Variants in PLCB1 observed in about 807,000 individuals in gnomAD.
PLCB1 encodes 1-phosphatidylinositol 4,5-bisphosphate phosphodiesterase beta-1.
PLCB1 carries 46 observed loss-of-function variants against 161.8 expected under a neutral mutation model. That is an observed-to-expected ratio of 0.28 (90% CI 0.22 to 0.36). The LOEUF is 0.36. Among genes scored for constraint, PLCB1 ranks in the 10% least tolerant of loss-of-function variants. PLCB1 has a pLI of 1.00. For missense variants in PLCB1, 1,016 were observed against 1,472.5 expected, an observed-to-expected ratio of 0.69 and a Z score of 5.07; for synonymous variants, 517 against 503.7, an observed-to-expected ratio of 1.03 and a Z score of -0.35.
At chr20:8,220,804 CA>C (rs980525649) in intron 2 of PLCB1, among the ~76,000 whole-genome samples, 2 of 152,160 alleles carry the variant, frequency 1.3e-5, no homozygotes, top group Admixed American at 6.5e-5. Flanking sequence ...GAAACTAATA[CA>C]AGTGTTCATT....
intron 3 of PLCB1, among the ~76,000 whole-genome samples, chr20:8,468,118 A>C (rs1469600855): frequency 6.6e-6 from 1 of 152,172 alleles, no homozygotes; most frequent in African/African-American, 2.4e-5. Flanking sequence ...AGCAAAACTA[A>C]TAAATGGTCC....
At chr20:8,881,503 ATATTT>A in intron 31 of PLCB1, 114 bp from the exon 32 acceptor site, 1 of 733,052 alleles carries the variant, frequency 1.4e-6, no homozygotes, top group East Asian at 2.5e-5. Context: ...CCAGTGAATG[ATATTT>A]TAAGTTAATG....
At chr20:8,563,666 A>G (rs1457206142) in intron 3 of PLCB1, among the ~76,000 whole-genome samples, 1 of 152,168 alleles carries the variant, frequency 6.6e-6, no homozygotes, top group Admixed American at 6.5e-5. Flanking sequence ...TACAAAATCA[A>G]TGTGCAAAAA....
At chr20:8,191,266 A>G (rs2051967486) in intron 2 of PLCB1, among the ~76,000 whole-genome samples, 1 of 152,038 alleles carries the variant, frequency 6.6e-6, no homozygotes, top group Non-Finnish European at 1.5e-5. Context: ...CCTCTGAAGC[A>G]TTTATCCTTT....
chr20:8,759,989 T>C (rs1981937326), intron 24 of PLCB1, among the ~76,000 whole-genome samples: 1 of 126,296 alleles, frequency 7.9e-6, no homozygotes, highest in Non-Finnish European at 1.6e-5. Flanking sequence ...CACTGCAAAC[T>C]CCACCTCCTG....
intron 9 of PLCB1, among the ~76,000 whole-genome samples, chr20:8,663,703 G>A (rs75318029): frequency 3.3e-5 from 5 of 152,042 alleles, no homozygotes; most frequent in African/African-American, 1.2e-4. Context: ...TATTCTCCTG[G>A]GAGTGTGGTT....
At chr20:8,444,822 T>G (rs1005193037) in intron 3 of PLCB1, among the ~76,000 whole-genome samples, 4 of 152,226 alleles carry the variant, frequency 2.6e-5, no homozygotes, top group African/African-American at 9.6e-5. Context: ...TTTTTTCATG[T>G]GTCTGTTGGC....
chr20:8,252,211 G>A (rs998834566), intron 2 of PLCB1, among the ~76,000 whole-genome samples: 13 of 152,008 alleles, frequency 8.6e-5, no homozygotes, highest in African/African-American at 3.1e-4. Context: ...GAAGTCCTTG[G>A]TGAAGCTTGA....
intron 3 of PLCB1, among the ~76,000 whole-genome samples, chr20:8,464,522 G>C (rs893958628): frequency 6.6e-6 from 1 of 152,074 alleles, no homozygotes; most frequent in Non-Finnish European, 1.5e-5. Flanking sequence ...TCCTTCAGCT[G>C]TGTCTAATCT....
At chr20:8,697,891 C>A in intron 11 of PLCB1, 108 bp downstream of exon 11, 3 of 948,158 alleles carry the variant, frequency 3.2e-6, no homozygotes, top group Non-Finnish European at 3.0e-6. Flanking sequence ...AGTCCAAAGG[C>A]TGTTAATCAT....
intron 2 of PLCB1, among the ~76,000 whole-genome samples, chr20:8,152,113 T>C (rs2051514932): frequency 6.6e-6 from 1 of 152,158 alleles, no homozygotes; most frequent in African/African-American, 2.4e-5. Context: ...ATTCCTTTTA[T>C]CATGTTATTG....
chr20:8,419,388 T>G (rs7267067), intron 3 of PLCB1, among the ~76,000 whole-genome samples: 13,817 of 152,178 alleles, frequency 0.091, 1,956 homozygotes, highest in African/African-American at 0.31. Context: ...AATGATTATA[T>G]ATGGTTCCAG....
Position 8,606,740 on chromosome 20 carries a change from C to G in PLCB1, c.247-21554C>G, listed in dbSNP as rs1205679449. On this transcript the variant is annotated intron_variant, in intron 3 of 31. Transcript: ENST00000338037. ...AGTTCTGCATCTGTTTATTTTATTA[C>G]TAAATGTAGAATTTATCCTTGTTGT... Among the ~76,000 whole-genome samples, 6 of 152,150 alleles carry G rather than the reference C, an allele frequency of 3.9e-5. No individual in the cohort carries two copies. In the East Asian group the frequency reaches 1.2e-3, roughly 29 times the overall value.
intron 25 of PLCB1, among the ~76,000 whole-genome samples, chr20:8,761,557 C>G (rs923932998): frequency 6.6e-6 from 1 of 152,158 alleles, no homozygotes; most frequent in African/African-American, 2.4e-5. Flanking sequence ...CTCACTCTGC[C>G]ACCCAGGCTG....
chr20:8,704,601 A>G (rs1193661088), intron 11 of PLCB1, among the ~76,000 whole-genome samples: 3 of 152,224 alleles, frequency 2.0e-5, no homozygotes, highest in African/African-American at 7.2e-5. Context: ...TCAACAAACT[A>G]TCTTCTGCAG....
chr20:8,187,840 A>C (rs60734050), intron 2 of PLCB1, among the ~76,000 whole-genome samples: 1 of 152,032 alleles, frequency 6.6e-6, no homozygotes, highest in Admixed American at 6.6e-5. Flanking sequence ...ACCACTACAT[A>C]TTTGGTGGTG....
At chr20:8,266,420 T>C (rs954837549) in intron 2 of PLCB1, among the ~76,000 whole-genome samples, 3 of 152,222 alleles carry the variant, frequency 2.0e-5, no homozygotes, top group Admixed American at 1.3e-4. Context: ...CATAATATCA[T>C]GGCAATCACA....
intron 2 of PLCB1, among the ~76,000 whole-genome samples, chr20:8,244,888 G>C (rs1402112840): frequency 6.6e-6 from 1 of 151,686 alleles, no homozygotes; most frequent in Non-Finnish European, 1.5e-5. Context: ...CAAATACAAA[G>C]GGATTTTAAC....
chr20:8,213,689 G>A (rs1449139469), intron 2 of PLCB1, among the ~76,000 whole-genome samples: 3 of 151,904 alleles, frequency 2.0e-5, no homozygotes, highest in Admixed American at 6.6e-5. Flanking sequence ...TGGTGGTGGT[G>A]GTGGTGTGTG....
Sources: allele counts gnomAD v4.1 joint callset (sites outside exome capture counted in the v4.1 genomes callset), GRCh38; gene constraint gnomAD v4.1.1; transcripts MANE v1.5; gene names NCBI Gene and HGNC (gene_info 2026-07-23, HGNC 2026-07-21).